The following CERS1 variants were observed in gnomAD, a reference collection of about 807,000 sequenced individuals.
CERS1 encodes Embryonic growth/differentiation factor 1.
CERS1 carries 16 observed loss-of-function variants against 35.7 expected under a neutral mutation model. The ratio of observed to expected loss-of-function variants is 0.45; its 90% CI spans 0.30 to 0.68. The LOEUF (loss-of-function observed/expected upper bound fraction) is 0.68. CERS1 is among the 30% of genes least tolerant of loss of function. The probability of loss-of-function intolerance (pLI) is 0.08; values close to 1 mark genes in which losing one functional copy is unlikely to be tolerated. For missense variants in CERS1, 454 were observed against 453.9 expected (o/e 1.00, Z 0.00); for synonymous variants, 243 against 201.6 (o/e 1.21, Z -1.74).
chr19:18,868,956 C>G lies in CERS1; in HGVS notation c.*1029G>C. ...CCGCCGCCCAACACGGGTTCGGCGT[C>G]GCGCCGCGGCCGGGCCAGGGGGTGG... On this transcript the variant is annotated 3_prime_UTR_variant, in exon 8 of 8. Transcript: ENST00000623882. 6 of 1,181,600 alleles carry G rather than the reference C, an allele frequency of 5.1e-6. No individual in the cohort carries two copies. The highest frequency in any genetic ancestry group is 6.3e-6 in the Non-Finnish European group (6 of 954,584). The allele number at this position is 1,181,600 out of a possible 1,614,324, so 73.2% of individuals were successfully genotyped here.
Position 18,895,696 on chromosome 19 carries a change from C to A in CERS1, c.249+128G>T. ...CTCTCCAGCCCGAGGCCCCCACCCA[C>A]GTTCCGGCGACCCCTTCATCCGCAG... On this transcript the variant is annotated intron_variant, in intron 1 of 7. Coordinates refer to ENST00000623882, the MANE Select transcript of CERS1 (RefSeq NM_021267.5). This position sits in a 1 kb window ranked among gnomAD's most constrained non-coding sequence, Gnocchi z 6.4. 1 of 406,012 alleles carries A rather than the reference C, an allele frequency of 2.5e-6. No individual in the cohort carries two copies. Among genetic ancestry groups the A allele is most frequent in the Non-Finnish European group, 3.7e-6 (1 of 267,994 alleles). 25.2% of individuals were successfully genotyped at this position (406,012 alleles called of 1,614,324 possible).
chr19:18,881,208 CT>C (rs1196828217), intron 3 of CERS1, among the ~76,000 whole-genome samples: 1,923 of 146,868 alleles, frequency 0.013, 44 homozygotes, highest in African/African-American at 0.044. Context: ...CATCAGGATC[CT>C]TTTTTTTTTT....
chr19:18,890,740 C>T (rs1422895817), intron 2 of CERS1, among the ~76,000 whole-genome samples: 1 of 149,290 alleles, frequency 6.7e-6, no homozygotes, highest in Non-Finnish European at 1.5e-5. Context: ...GTGATCGTGC[C>T]ACTGTACTCC....
At chr19:18,877,321 G>A (rs1330690590) in intron 6 of CERS1, among the ~76,000 whole-genome samples, 1 of 152,174 alleles carries the variant, frequency 6.6e-6, no homozygotes, top group Admixed American at 6.5e-5. Context: ...GCACCTCCGA[G>A]GATGTCCCCA....
chr19:18,890,849 C>T (rs1050225122), intron 2 of CERS1, among the ~76,000 whole-genome samples: 2 of 148,384 alleles, frequency 1.3e-5, no homozygotes, highest in African/African-American at 5.0e-5. Flanking sequence ...AGAGGCTGGG[C>T]GTGGTGGCTC....
chr19:18,894,441 C>G (rs2056575487), intron 1 of CERS1, among the ~76,000 whole-genome samples: 1 of 152,156 alleles, frequency 6.6e-6, no homozygotes, highest in East Asian at 1.9e-4. Flanking sequence ...CTTTGGAACA[C>G]CCGGCAGCCC....
intron 2 of CERS1, among the ~76,000 whole-genome samples, chr19:18,887,828 C>A (rs1373451641): frequency 6.6e-6 from 1 of 151,860 alleles, no homozygotes; most frequent in East Asian, 1.9e-4. Context: ...CATTATTGTG[C>A]AACCATCACC....
chr19:18,896,933 G>GA (rs1257064053), upstream of CERS1, among the ~76,000 whole-genome samples: 1 of 151,816 alleles, frequency 6.6e-6, no homozygotes, highest in South Asian at 2.1e-4. This position sits in a 1 kb window ranked among gnomAD's most constrained non-coding sequence, Gnocchi z 5.9. Flanking sequence ...CCGGGGGGGG[G>GA]GCTCCCCAAC....
intron 5 of CERS1, 59 bp from the exon 6 acceptor site, chr19:18,879,098 G>T: frequency 1.9e-6 from 3 of 1,597,366 alleles, no homozygotes; most frequent in South Asian, 1.1e-5. Flanking sequence ...CTGCCCTGCT[G>T]ACAGCCATGT....
chr19:18,879,795 T>C (rs993463268), intron 4 of CERS1, among the ~76,000 whole-genome samples: 1 of 128,126 alleles, frequency 7.8e-6, no homozygotes, highest in East Asian at 2.8e-4. Context: ...TCCCCTTCTC[T>C]GCCAGGCCCC....
At chr19:18,876,959 T>C (rs1048436250) in intron 6 of CERS1, among the ~76,000 whole-genome samples, 7 of 152,182 alleles carry the variant, frequency 4.6e-5, no homozygotes, top group Non-Finnish European at 1.0e-4. Context: ...TGACCCTGGA[T>C]TGTTCCTCGG....
At chr19:18,885,436 A>G (rs2056324366) in intron 2 of CERS1, among the ~76,000 whole-genome samples, 1 of 151,108 alleles carries the variant, frequency 6.6e-6, no homozygotes, top group Non-Finnish European at 1.5e-5. Flanking sequence ...GGCTCAAGCA[A>G]TCCTCCTGCC....
chr19:18,885,912 C>T (rs1568302998), intron 2 of CERS1, among the ~76,000 whole-genome samples: 1 of 152,198 alleles, frequency 6.6e-6, no homozygotes, highest in African/African-American at 2.4e-5. Flanking sequence ...CCCACGGAGT[C>T]TTGCCATGCC....
At chr19:18,893,707 A>G in intron 1 of CERS1, 132 bp from the exon 2 acceptor site, 1 of 869,766 alleles carries the variant, frequency 1.1e-6, no homozygotes. Context: ...CCATGCCCAC[A>G]GCCACCTGGA....
chr19:18,878,659 C>T lies in CERS1; in HGVS notation c.1010+271G>A. The T allele has an allele frequency of 5.5e-6, 7 of 1,280,948 alleles. No individual in the cohort carries two copies. Among genetic ancestry groups the T allele is most frequent in the Non-Finnish European group, 6.0e-6 (6 of 1,005,132 alleles). 79.3% of individuals were successfully genotyped at this position (1,280,948 alleles called of 1,614,324 possible). On this transcript the variant is annotated intron_variant, in intron 6 of 7. Coordinates refer to ENST00000623882, the MANE Select transcript of CERS1 (RefSeq NM_021267.5). The surrounding 1 kb of genome is among the most constrained non-coding windows in gnomAD (Gnocchi z 4.6). ...CACTCCCGCCACACCAGCCACTAGG[C>T]CTGGCCCTCAGTGTCCCTACCGCTG...
intron 6 of CERS1, chr19:18,877,857 T>C (rs4808867): frequency 0.84 from 462,468 of 548,288 alleles, 195,657 homozygotes; most frequent in Admixed American, 0.87. Flanking sequence ...CCAGAACCCA[T>C]GTGACCCTCT....
At chr19:18,887,606 A>G (rs1319899285) in intron 2 of CERS1, among the ~76,000 whole-genome samples, 2 of 152,010 alleles carry the variant, frequency 1.3e-5, no homozygotes, top group Non-Finnish European at 2.9e-5. Context: ...TTAGCTGGGC[A>G]TGGTGGCGCA....
chr19:18,873,724 C>G (rs2056014797), intron 6 of CERS1, among the ~76,000 whole-genome samples: 1 of 151,860 alleles, frequency 6.6e-6, no homozygotes, highest in African/African-American at 2.4e-5. Flanking sequence ...GCCTGTAATC[C>G]CAGCTACTCG....
At chr19:18,891,734 T>C (rs1446980720) in intron 2 of CERS1, among the ~76,000 whole-genome samples, 1 of 151,404 alleles carries the variant, frequency 6.6e-6, no homozygotes, top group East Asian at 2.0e-4. Flanking sequence ...TGCCCCACCA[T>C]ACCAGGCTAA....
Sources: allele counts gnomAD v4.1 joint callset (sites outside exome capture counted in the v4.1 genomes callset), GRCh38; gene constraint gnomAD v4.1.1; non-coding constraint Gnocchi (gnomAD v3.1); transcripts MANE v1.5; gene names NCBI Gene and HGNC (gene_info 2026-07-23, HGNC 2026-07-21).